The following TCF12 variants were observed in gnomAD, a reference collection of about 807,000 sequenced individuals.
TCF12 encodes transcription factor 12, also known as DNA-binding protein HTF4.
Under a neutral mutation model 86.0 loss-of-function variants are expected in TCF12, and 45 were observed. The observed-to-expected ratio is 0.52, with a 90% CI of 0.41 to 0.67. TCF12 has a LOEUF of 0.67. Among genes scored for constraint, TCF12 ranks in the 30% least tolerant of loss-of-function variants. The pLI, the probability that TCF12 is intolerant of heterozygous loss-of-function variation, is 0.00. For missense variants in TCF12, 881 were observed against 859.9 expected (o/e 1.02, Z -0.31); for synonymous variants, 330 against 299.6 (o/e 1.10, Z -1.05).
At chr15:56,981,238 A>G (rs1259589979) in intron 3 of TCF12, among the ~76,000 whole-genome samples, 2 of 152,232 alleles carry the variant, frequency 1.3e-5, no homozygotes, top group African/African-American at 4.8e-5. Context: ...TATGAAGAAC[A>G]GAAATGTATT....
intron 5 of TCF12, among the ~76,000 whole-genome samples, chr15:57,115,375 A>C (rs2050767637): frequency 6.6e-6 from 1 of 152,246 alleles, no homozygotes; most frequent in South Asian, 2.1e-4. Context: ...TTTCAACATC[A>C]AAATATACAT....
intron 6 of TCF12, among the ~76,000 whole-genome samples, chr15:57,181,805 T>G (rs1473985580): frequency 6.6e-6 from 1 of 152,230 alleles, no homozygotes; most frequent in East Asian, 1.9e-4. Context: ...ACTTACTTAT[T>G]GTAGATTTTA....
At chr15:57,028,867 T>C (rs2920264) in intron 3 of TCF12, among the ~76,000 whole-genome samples, 69,928 of 151,736 alleles carry the variant, frequency 0.46, 16,637 homozygotes, top group East Asian at 0.59. Flanking sequence ...AATGCGATCT[T>C]GGCTCACTGC....
At chr15:57,028,168 A>G (rs950206850) in intron 3 of TCF12, among the ~76,000 whole-genome samples, 2 of 152,114 alleles carry the variant, frequency 1.3e-5, no homozygotes, top group African/African-American at 4.8e-5. Flanking sequence ...GGGTTTCGCC[A>G]TGTTGGGCAG....
rs16977237 is a variant in TCF12 at position 57,087,932 on chromosome 15, A to G, written c.223-3857A>G. Among the ~76,000 whole-genome samples, 689 of 152,288 alleles carry G rather than the reference A, an allele frequency of 4.5e-3. 7 individuals are homozygous for G. Among genetic ancestry groups the G allele is most frequent in the Admixed American group, 0.024 (370 of 15,296 alleles). On this transcript the variant is annotated intron_variant, in intron 4 of 20. Transcript: ENST00000333725. Reference sequence around the variant, plus strand: ...AAAAATCTCGTTTATCTTAGTTGCTATTAACAGAATTCAAGATCTTAATTA... The same window carrying G: ...AAAAATCTCGTTTATCTTAGTTGCTGTTAACAGAATTCAAGATCTTAATTA...
intron 6 of TCF12, 97 bp downstream of exon 6, chr15:57,166,563 A>T: frequency 9.2e-7 from 1 of 1,089,540 alleles, no homozygotes; most frequent in East Asian, 2.6e-5. Flanking sequence ...AATTTATTTC[A>T]CTACTGTTTG....
intron 3 of TCF12, among the ~76,000 whole-genome samples, chr15:56,962,446 C>T (rs1374935720): frequency 6.6e-6 from 1 of 152,138 alleles, no homozygotes; most frequent in African/African-American, 2.4e-5. Flanking sequence ...ATCTTCAATT[C>T]ATGTTGGACA....
intron 6 of TCF12, among the ~76,000 whole-genome samples, chr15:57,167,992 G>A (rs1448897385): frequency 6.6e-6 from 1 of 152,170 alleles, no homozygotes; most frequent in African/African-American, 2.4e-5. Flanking sequence ...AGCAAGTATG[G>A]TTGACATCAC....
At chr15:56,938,202 C>T (rs2060569002) in intron 3 of TCF12, among the ~76,000 whole-genome samples, 1 of 149,126 alleles carries the variant, frequency 6.7e-6, no homozygotes, top group Non-Finnish European at 1.5e-5. Context: ...TGCTCTGTTG[C>T]CAGGCTGCAG....
chr15:57,275,246 A>G (rs947334999), intron 19 of TCF12, among the ~76,000 whole-genome samples: 17 of 150,364 alleles, frequency 1.1e-4, no homozygotes, highest in African/African-American at 3.4e-4. Flanking sequence ...AGAAAAGCCT[A>G]CTTCTCCCCG....
chr15:57,022,116 G>A (rs1470186765), intron 3 of TCF12, among the ~76,000 whole-genome samples: 6 of 151,920 alleles, frequency 3.9e-5, no homozygotes, highest in African/African-American at 1.2e-4. Context: ...TGTGCACAAC[G>A]TGCAGGTTTG....
chr15:57,282,353 G>A, intron 19 of TCF12, 92 bp from the exon 20 acceptor site: 1 of 1,470,402 alleles, frequency 6.8e-7, no homozygotes. Context: ...GTATGGGAAT[G>A]AAGTTACACA....
intron 3 of TCF12, among the ~76,000 whole-genome samples, chr15:56,966,931 T>A (rs545568811): frequency 2.0e-5 from 3 of 152,294 alleles, no homozygotes; most frequent in Non-Finnish European, 4.4e-5. Context: ...GAGACCAACC[T>A]GGCCAACATG....
chr15:56,935,616 C>A (rs907364099), intron 3 of TCF12, among the ~76,000 whole-genome samples: 1 of 152,090 alleles, frequency 6.6e-6, no homozygotes. Flanking sequence ...AGTCTTTTAT[C>A]CCTCACCGCC....
At chr15:57,038,931 T>C (rs1320015060) in intron 3 of TCF12, among the ~76,000 whole-genome samples, 1 of 152,178 alleles carries the variant, frequency 6.6e-6, no homozygotes, top group Non-Finnish European at 1.5e-5. Flanking sequence ...ACGGGATAGA[T>C]AGATGACTAG....
chr15:57,101,621 A>G (rs575369207), intron 5 of TCF12, among the ~76,000 whole-genome samples: 2 of 152,364 alleles, frequency 1.3e-5, no homozygotes, highest in African/African-American at 4.8e-5. Context: ...GTGCATATGC[A>G]CCCACACACA....
At chr15:57,053,808 G>C (rs1435655572) in intron 3 of TCF12, among the ~76,000 whole-genome samples, 3 of 152,116 alleles carry the variant, frequency 2.0e-5, no homozygotes, top group Middle Eastern at 3.2e-3. Context: ...GTGCTATAGA[G>C]ATCAAAGAAA....
chr15:57,173,409 C>T (rs1270246573), intron 6 of TCF12, among the ~76,000 whole-genome samples: 1 of 151,920 alleles, frequency 6.6e-6, no homozygotes, highest in African/African-American at 2.4e-5. Context: ...CAAATAAGAG[C>T]AGAAATCAAT....
chr15:57,170,744 ATTATAT>A (rs2055382874), intron 6 of TCF12, among the ~76,000 whole-genome samples: 1 of 35,616 alleles, frequency 2.8e-5, no homozygotes, highest in Non-Finnish European at 5.2e-5. Context: ...TATAATATAT[ATTATAT>A]ATTATATATT....
Sources: gnomAD v4.1 joint callset for allele counts (sites outside exome capture counted in the v4.1 genomes callset) on GRCh38, gnomAD v4.1.1 for gene constraint, MANE v1.5 for transcripts, NCBI Gene and HGNC (gene_info 2026-07-23, HGNC 2026-07-21) for gene names.